The following KLHL18 variants were observed in gnomAD, a reference collection of about 807,000 sequenced individuals.
KLHL18 encodes the protein kelch like family member 18.
In KLHL18, 38 loss-of-function variants were observed where a neutral mutation model predicts 58.5. The ratio of observed to expected loss-of-function variants is 0.65; its 90% confidence interval spans 0.50 to 0.85. The LOEUF is 0.85. Among genes scored for constraint, KLHL18 ranks in the 40% least tolerant of loss-of-function variants. KLHL18 has a pLI of 0.00. For synonymous variants in KLHL18, 303 were observed against 301.9 expected (o/e 1.00, Z -0.04); for missense variants, 624 against 778.4 (o/e 0.80, Z 2.36).
At position 47,333,104 on chromosome 3, in the gene KLHL18, G is replaced by A. The variant is rs892716428; in HGVS notation, c.601-53G>A. The A allele has an allele frequency of 3.8e-6, 6 of 1,577,128 alleles. No homozygotes were observed. In the African/African-American group the frequency reaches 8.1e-5, roughly 21 times the overall value. ...GAGGCATTGAGATTGGAGGCCTGGG[G>A]TGTGGCCTCTGGGTGGGAGGATTTG... On this transcript the variant is annotated intron_variant, in intron 4 of 9. Coordinates refer to ENST00000232766, the MANE Select transcript of KLHL18 (RefSeq NM_025010.5).
chr3:47,324,298 CTTTTTTTTTTTTTT>C (rs769288621), intron 3 of KLHL18, among the ~76,000 whole-genome samples: 5 of 37,486 alleles, frequency 1.3e-4, no homozygotes, highest in Admixed American at 1.1e-3. Flanking sequence ...TTCTTTCTTT[CTTTTTTTTTTTTTT>C]TTTTTTTTTT....
chr3:47,298,268 T>C (rs1477094904), intron 1 of KLHL18, among the ~76,000 whole-genome samples: 1 of 146,176 alleles, frequency 6.8e-6, no homozygotes, highest in East Asian at 2.0e-4. Context: ...CTTGGGAGGA[T>C]CACTTAAGCC....
rs888007007 is a variant in KLHL18 at position 47,319,919 on chromosome 3, A to C, written c.260+136A>C. 12 of 952,706 alleles carry C rather than the reference A, an allele frequency of 1.3e-5. No homozygotes were observed. The African/African-American group carries it at 2.0e-4, about 16-fold the overall frequency. 59.0% of individuals were successfully genotyped at this position (952,706 alleles called of 1,614,324 possible). A position where few individuals can be genotyped will look rare whatever the true frequency, so the allele number is the denominator to read the frequency against. ...CTACACAAATAATAAGTGATTAATA[A>C]GCAGATTAGAACCTGGGCCAGTGGT... On this transcript the variant is annotated intron_variant, in intron 2 of 9. Coordinates refer to ENST00000232766, the MANE Select transcript of KLHL18 (RefSeq NM_025010.5).
At chr3:47,304,418 G>A (rs1036243563) in intron 1 of KLHL18, among the ~76,000 whole-genome samples, 1 of 152,052 alleles carries the variant, frequency 6.6e-6, no homozygotes, top group African/African-American at 2.4e-5. Flanking sequence ...TAGGAGGATT[G>A]CATGAGCCCA....
chr3:47,304,691 G>GT (rs1398093091), intron 1 of KLHL18, among the ~76,000 whole-genome samples: 5 of 151,990 alleles, frequency 3.3e-5, no homozygotes, highest in Non-Finnish European at 7.4e-5. Context: ...AGGGTTATTT[G>GT]TTTTTTTGCA....
At chr3:47,330,666 G>A (rs996963486) in intron 4 of KLHL18, among the ~76,000 whole-genome samples, 1 of 152,102 alleles carries the variant, frequency 6.6e-6, no homozygotes, top group Non-Finnish European at 1.5e-5. Flanking sequence ...GCATGTTTGG[G>A]TTATTTCCAA....
At chr3:47,324,669 C>CA (rs889416502) in intron 3 of KLHL18, among the ~76,000 whole-genome samples, 8 of 149,244 alleles carry the variant, frequency 5.4e-5, no homozygotes, top group Admixed American at 2.0e-4. Context: ...CCTGTCTCTA[C>CA]AAAAAAAAAA....
At chr3:47,298,985 C>T (rs1484419751) in intron 1 of KLHL18, among the ~76,000 whole-genome samples, 3 of 152,192 alleles carry the variant, frequency 2.0e-5, no homozygotes, top group Admixed American at 2.0e-4. Flanking sequence ...AATAAAGCTG[C>T]TATGGATATT....
intron 1 of KLHL18, among the ~76,000 whole-genome samples, chr3:47,316,503 A>ATATGTGTGTG (rs1228390651): frequency 0.017 from 128 of 7,622 alleles, 18 homozygotes; most frequent in African/African-American, 0.025. Context: ...ATATATATGT[A>ATATGTGTGTG]TATATATACA....
intron 1 of KLHL18, among the ~76,000 whole-genome samples, chr3:47,306,477 A>C (rs976878141): frequency 6.6e-6 from 1 of 152,072 alleles, no homozygotes; most frequent in African/African-American, 2.4e-5. Context: ...ATTCATTTTC[A>C]CTGATGAATA....
chr3:47,326,315 C>T (rs1309137270), intron 3 of KLHL18, among the ~76,000 whole-genome samples: 3 of 152,166 alleles, frequency 2.0e-5, no homozygotes, highest in African/African-American at 4.8e-5. Flanking sequence ...CAATGAACCA[C>T]GTCAGTAACC....
chr3:47,298,530 C>T (rs1221061239), intron 1 of KLHL18, among the ~76,000 whole-genome samples: 1 of 152,008 alleles, frequency 6.6e-6, no homozygotes, highest in Non-Finnish European at 1.5e-5. Flanking sequence ...CTGACTATTC[C>T]AGGAAACATG....
At chr3:47,325,408 A>G (rs1020973939) in intron 3 of KLHL18, among the ~76,000 whole-genome samples, 13 of 152,112 alleles carry the variant, frequency 8.5e-5, no homozygotes, top group Admixed American at 3.3e-4. Flanking sequence ...CATGTTAGCC[A>G]GGATGGTCTC....
At chr3:47,300,393 A>ATGTGTG (rs763461118) in intron 1 of KLHL18, among the ~76,000 whole-genome samples, 3 of 44,936 alleles carry the variant, frequency 6.7e-5, no homozygotes, top group Non-Finnish European at 1.6e-4. Flanking sequence ...ATATGTGTAT[A>ATGTGTG]TGTGTGTGTG....
intron 1 of KLHL18, among the ~76,000 whole-genome samples, chr3:47,297,281 A>G (rs1437368243): frequency 1.3e-5 from 2 of 152,158 alleles, no homozygotes; most frequent in African/African-American, 4.8e-5. Flanking sequence ...TCTTAACCCC[A>G]AGAGTTTATG....
Position 47,334,189 on chromosome 3 carries a change from C to A in KLHL18, c.762-494C>A, listed in dbSNP as rs530342956. 6.6e-6 allele frequency among the ~76,000 whole-genome samples: 1 copy of A among 151,986 alleles called. No individual in the cohort carries two copies. The highest frequency in any genetic ancestry group is 6.6e-5 in the Admixed American group (1 of 15,236). On this transcript the variant is annotated intron_variant, in intron 5 of 9. Coordinates refer to ENST00000232766, the MANE Select transcript of KLHL18 (RefSeq NM_025010.5). This position sits in a 1 kb window ranked among gnomAD's most constrained non-coding sequence, Gnocchi z 4.7. ...TTGAGGAGTTTGGACTTTATTCTGT[C>A]GGCAGTGGGTGGCTATTGAAGGTTC...
At chr3:47,326,434 G>A (rs1187099306) in intron 3 of KLHL18, among the ~76,000 whole-genome samples, 2 of 152,180 alleles carry the variant, frequency 1.3e-5, no homozygotes, top group Non-Finnish European at 2.9e-5. Flanking sequence ...TTGTGATGTG[G>A]CTAATGAAAG....
At chr3:47,329,469 T>C (rs1309677300) in intron 3 of KLHL18, among the ~76,000 whole-genome samples, 1 of 152,156 alleles carries the variant, frequency 6.6e-6, no homozygotes, top group African/African-American at 2.4e-5. Flanking sequence ...CCTCGTGATC[T>C]GCCTGCCTCA....
chr3:47,325,463 C>T (rs1267724142), intron 3 of KLHL18, among the ~76,000 whole-genome samples: 1 of 152,192 alleles, frequency 6.6e-6, no homozygotes, highest in Non-Finnish European at 1.5e-5. Context: ...TCCCAAAGTG[C>T]TGGGATTACA....
Sources: gnomAD v4.1 joint callset for allele counts (sites outside exome capture counted in the v4.1 genomes callset) on GRCh38, gnomAD v4.1.1 for gene constraint, Gnocchi (gnomAD v3.1) non-coding constraint, MANE v1.5 for transcripts, NCBI Gene and HGNC (gene_info 2026-07-23, HGNC 2026-07-21) for gene names.